Variants in NDRG1 observed in about 807,000 individuals in gnomAD.
The protein encoded by NDRG1 is protein NDRG1.
NDRG1 carries 32 observed loss-of-function variants against 56.9 expected under a neutral mutation model. The observed-to-expected ratio is 0.56, with a 90% CI of 0.42 to 0.76. NDRG1 has a LOEUF of 0.76. NDRG1 is among the 30% of genes least tolerant of loss of function. The probability of loss-of-function intolerance (pLI) is 0.00; values close to 1 mark genes in which losing one functional copy is unlikely to be tolerated. For synonymous variants in NDRG1, 211 were observed against 204.1 expected (o/e 1.03, Z -0.29); for missense variants, 507 against 545.7 (o/e 0.93, Z 0.71).
At position 133,247,884 on chromosome 8, in the gene NDRG1, C is replaced by T. The variant is rs777626233; in HGVS notation, c.798G>A (p.Val266=). The stretch of plus-strand genomic sequence containing the variant: ...TGTGATTTCTACATACCACGGCATC[C>T]ACTGCAGGCGAGCTGTCCCCAACCA... ...LLVVGDSSPA[V]DAVVECNSKL... is the part of the protein sequence containing the mutation. Residue 266 remains valine, a synonymous_variant, in exon 12 of 16, where the codon GTG becomes GTA. Transcript: ENST00000323851. 1 of 1,614,094 alleles carries T rather than the reference C, an allele frequency of 6.2e-7. No individual in the cohort carries two copies. The highest frequency in any genetic ancestry group is 1.1e-5 in the South Asian group (1 of 91,084).
intron 4 of NDRG1, 97 bp from the exon 5 acceptor site, chr8:133,262,264 A>T: frequency 6.8e-7 from 1 of 1,470,438 alleles, no homozygotes; most frequent in Middle Eastern, 1.9e-4. Flanking sequence ...TTTCATTCCT[A>T]TTCAGAAGTA....
chr8:133,278,657 G>A (rs1424389032), intron 3 of NDRG1, among the ~76,000 whole-genome samples: 1 of 152,094 alleles, frequency 6.6e-6, no homozygotes, highest in Admixed American at 6.6e-5. Flanking sequence ...AGCTAATGGT[G>A]CCTCTCCTGT....
chr8:133,264,734 A>G (rs903018329), intron 3 of NDRG1, 82 bp from the exon 4 acceptor site: 4 of 1,206,472 alleles, frequency 3.3e-6, no homozygotes, highest in African/African-American at 3.0e-5. Flanking sequence ...CCTGTTTCCA[A>G]CTGTGTTTTG....
Position 133,238,988 on chromosome 8 carries a change from C to T in NDRG1, c.1075G>A (p.Gly359Ser), listed in dbSNP as rs1196850683. The T allele has an allele frequency of 1.3e-6, 2 of 1,593,980 alleles. No homozygotes were observed. Among genetic ancestry groups the T allele is most frequent in the Non-Finnish European group, 1.7e-6 (2 of 1,171,830 alleles). ...GTRSRSHTSE[G>S]TRSRSHTSEG... ...CTGGTGTGCGAGCGGCTGCGGGTGC[C>T]CTCGCTGGTGTGGGAGCGGCTTCGG... The change falls in exon 16 of 16, where the codon GGC becomes AGC. Residue 359 changes from glycine (G) to serine (S), a missense_variant. Transcript: ENST00000323851.
At chr8:133,264,781 G>T in intron 3 of NDRG1, 129 bp from the exon 4 acceptor site, 2 of 774,414 alleles carry the variant, frequency 2.6e-6, no homozygotes, top group Non-Finnish European at 4.5e-6. Flanking sequence ...AAGAGCCCCG[G>T]CTTCGGGCAG....
Position 133,247,943 on chromosome 8 carries a change from A to G in NDRG1, c.756-17T>C. ...GCAGGGCACCTGGGGTCAGGGATAG[A>G]GCAGAGAATTAGCACAAGGTTCCTT... On this transcript the variant is annotated splice_polypyrimidine_tract_variant and intron_variant, in intron 11 of 15. Coordinates refer to ENST00000323851, the MANE Select transcript of NDRG1 (RefSeq NM_006096.4). 6.2e-7 allele frequency: 1 copy of G among 1,613,664 alleles called. No individual in the cohort carries two copies. Among genetic ancestry groups the G allele is most frequent in the Non-Finnish European group, 8.5e-7 (1 of 1,179,758 alleles).
At chr8:133,273,945 G>A (rs538069718) in intron 3 of NDRG1, among the ~76,000 whole-genome samples, 79 of 152,156 alleles carry the variant, frequency 5.2e-4, no homozygotes, top group Non-Finnish European at 7.4e-4. Context: ...CCTAAAACCT[G>A]ATGCTGGAGG....
chr8:133,252,415 A>T (rs928384447), intron 9 of NDRG1, among the ~76,000 whole-genome samples: 1 of 152,162 alleles, frequency 6.6e-6, no homozygotes, highest in African/African-American at 2.4e-5. Flanking sequence ...GTTCTAAGCC[A>T]TCCTGTTTGT....
chr8:133,289,945 A>T (rs1858339780), intron 1 of NDRG1, among the ~76,000 whole-genome samples: 1 of 152,126 alleles, frequency 6.6e-6, no homozygotes, highest in Non-Finnish European at 1.5e-5. Flanking sequence ...GTCTATGGAG[A>T]TCACGCTGTC....
chr8:133,258,474 G>A, intron 6 of NDRG1, 48 bp from the exon 7 acceptor site: 1 of 1,573,214 alleles, frequency 6.4e-7, no homozygotes, highest in Non-Finnish European at 8.7e-7. Context: ...AGAGTGACGG[G>A]AGCCTCCAAG....
rs1855216357 is a variant in NDRG1 at position 133,238,939 on chromosome 8, G to C, written c.1124C>G (p.Thr375Ser). The C allele has an allele frequency of 6.4e-7, 1 of 1,571,414 alleles. No individual in the cohort carries two copies. Among genetic ancestry groups the C allele is most frequent in the South Asian group, 1.2e-5 (1 of 85,616 alleles). ...HTSEGAHLDI[T>S]PNSGAAGNSA... ...GTTCCCAGCAGCACCCGAGTTGGGG[G>C]TGATGTCCAGGTGGGCCCCCTCGCT... Residue 375 changes from threonine (T) to serine (S), a missense_variant, in exon 16 of 16, where the codon ACC (threonine) becomes AGC (serine). Transcript: ENST00000323851.
chr8:133,296,697 ACACACACACACACAC>A (rs1361210015), intron 1 of NDRG1: 1 of 75,338 alleles, frequency 1.3e-5, no homozygotes, highest in African/African-American at 5.9e-4. Context: ...AGACACAGAC[ACACACACACACACAC>A]ACACACACAC....
chr8:133,293,100 C>A (rs1226919866), intron 1 of NDRG1, among the ~76,000 whole-genome samples: 2 of 152,234 alleles, frequency 1.3e-5, no homozygotes, highest in Non-Finnish European at 2.9e-5. Flanking sequence ...ATGGCCCCCA[C>A]CCCGAGAACA....
At chr8:133,262,917 C>G (rs1452744120) in intron 4 of NDRG1, among the ~76,000 whole-genome samples, 1 of 152,188 alleles carries the variant, frequency 6.6e-6, no homozygotes, top group African/African-American at 2.4e-5. Flanking sequence ...GATGGCAAAC[C>G]CACAAGCTAG....
intron 1 of NDRG1, among the ~76,000 whole-genome samples, chr8:133,287,986 C>T (rs559081892): frequency 1.3e-5 from 2 of 152,246 alleles, no homozygotes; most frequent in South Asian, 4.2e-4. Flanking sequence ...CTCACACATT[C>T]CCTCACACTG....
chr8:133,260,151 C>T (rs1265953507), intron 5 of NDRG1, among the ~76,000 whole-genome samples: 2 of 152,190 alleles, frequency 1.3e-5, no homozygotes, highest in Non-Finnish European at 2.9e-5. Flanking sequence ...TTGCAGGGCC[C>T]TCTGTTTCTT....
chr8:133,291,865 A>C (rs999423278), intron 1 of NDRG1, among the ~76,000 whole-genome samples: 28 of 152,312 alleles, frequency 1.8e-4, no homozygotes, highest in African/African-American at 6.7e-4. Context: ...GTGGGTCCAG[A>C]GGGGCTGGAG....
At chr8:133,284,437 C>A in intron 1 of NDRG1, 108 bp from the exon 2 acceptor site, 1 of 937,088 alleles carries the variant, frequency 1.1e-6, no homozygotes. Flanking sequence ...CTCTGCCCAG[C>A]AGCTTCACCT....
intron 1 of NDRG1, among the ~76,000 whole-genome samples, chr8:133,289,544 T>C (rs147584918): frequency 1.4e-4 from 21 of 152,206 alleles, no homozygotes; most frequent in African/African-American, 4.8e-4. Context: ...CAATGAGTAA[T>C]GAGGGCCCAA....
Sources: allele counts gnomAD v4.1 joint callset (sites outside exome capture counted in the v4.1 genomes callset), GRCh38; gene constraint gnomAD v4.1.1; transcripts MANE v1.5; gene names NCBI Gene and HGNC (gene_info 2026-07-23, HGNC 2026-07-21).